ACCSL: variants seen among roughly 807,000 people sequenced by gnomAD.
ACCSL encodes 1-aminocyclopropane-1-carboxylate synthase homolog (inactive) like, also known as probable inactive 1-aminocyclopropane-1-carboxylate synthase-like protein 2.
A neutral mutation model predicts 61.7 loss-of-function variants in ACCSL; 55 were observed. That is an observed-to-expected ratio of 0.89 (90% confidence interval 0.72 to 1.12). ACCSL has a LOEUF of 1.12. ACCSL is among the 50% of genes most tolerant of loss of function. ACCSL has a pLI of 0.00. For missense variants in ACCSL, 632 were observed against 698.0 expected (o/e 0.91, Z 1.07); for synonymous variants, 258 against 264.3 (o/e 0.98, Z 0.23).
At chr11:43,957,319 A>AGG in the ACCSL span, among the ~76,000 whole-genome samples, 673 of 146,336 alleles carry the variant, frequency 4.6e-3, 5 homozygotes, top group African/African-American at 0.016. Flanking sequence ...GGGTGGGAGG[A>AGG]GGGGGGTTCC....
chr11:43,923,170 G>T, the ACCSL span, among the ~76,000 whole-genome samples: 1 of 152,212 alleles, frequency 6.6e-6, no homozygotes, highest in African/African-American at 2.4e-5. Context: ...AATGCTGAAA[G>T]AGTTAAGTAG....
At chr11:43,933,271 C>T in the ACCSL span, 2 of 429,870 alleles carry the variant, frequency 4.7e-6, no homozygotes, top group Admixed American at 4.9e-5. Flanking sequence ...GTGGATGTCC[C>T]TGGACCTCAG....
chr11:44,019,470 T>G, the ACCSL span, among the ~76,000 whole-genome samples: 1 of 152,240 alleles, frequency 6.6e-6, no homozygotes. Context: ...CTAGCCATCC[T>G]AGTGAGTATA....
At chr11:43,992,926 T>A in the ACCSL span, among the ~76,000 whole-genome samples, 3 of 152,228 alleles carry the variant, frequency 2.0e-5, no homozygotes, top group African/African-American at 2.4e-5. Context: ...CTCTCCGTCG[T>A]GTGGCTGCAC....
chr11:44,003,815 C>T, the ACCSL span, among the ~76,000 whole-genome samples: 1 of 152,202 alleles, frequency 6.6e-6, no homozygotes, highest in African/African-American at 2.4e-5. Context: ...AGTGCAGGAG[C>T]CTGACCTGAC....
chr11:43,957,570 A>C, the ACCSL span, among the ~76,000 whole-genome samples: 1 of 152,040 alleles, frequency 6.6e-6, no homozygotes, highest in Admixed American at 6.5e-5. Flanking sequence ...AGGGAAGGAG[A>C]TTCTCTATAG....
At chr11:43,931,710 G>C in the ACCSL span, among the ~76,000 whole-genome samples, 1 of 152,224 alleles carries the variant, frequency 6.6e-6, no homozygotes, top group African/African-American at 2.4e-5. Flanking sequence ...TGCCTGGCAA[G>C]AGTTAGGTGC....
At chr11:44,039,909 T>C in the ACCSL span, among the ~76,000 whole-genome samples, 1 of 152,236 alleles carries the variant, frequency 6.6e-6, no homozygotes, top group African/African-American at 2.4e-5. Context: ...CATGGGCGGT[T>C]CCACCTGCCC....
chr11:44,051,478 G>A, intron 4 of ACCSL, 74 bp downstream of exon 4: 2 of 1,584,372 alleles, frequency 1.3e-6, no homozygotes, highest in South Asian at 1.1e-5. Flanking sequence ...GCCCTTTCTA[G>A]GGGGTACAAG....
the ACCSL span, among the ~76,000 whole-genome samples, chr11:43,993,229 T>A: frequency 6.6e-5 from 10 of 152,042 alleles, no homozygotes; most frequent in Non-Finnish European, 1.5e-4. Flanking sequence ...CCTGGTCTAT[T>A]AGGTAGACAG....
chr11:44,031,376 T>G, the ACCSL span, among the ~76,000 whole-genome samples: 1 of 152,184 alleles, frequency 6.6e-6, no homozygotes, highest in Non-Finnish European at 1.5e-5. Flanking sequence ...TCCTTTCCTG[T>G]GGCCTTAGAA....
the ACCSL span, among the ~76,000 whole-genome samples, chr11:44,003,657 T>A: frequency 1.2e-4 from 16 of 134,398 alleles, no homozygotes; most frequent in African/African-American, 1.9e-4. Flanking sequence ...AAAAAAAAAA[T>A]GCATTAATTA....
At chr11:44,024,441 CTGTGTGTGTGTGTGTGTGTG>C in the ACCSL span, among the ~76,000 whole-genome samples, 5 of 132,014 alleles carry the variant, frequency 3.8e-5, no homozygotes, top group Non-Finnish European at 8.1e-5. Context: ...CTCTCTCTCT[CTGTGTGTGTGTGTGTGTGTG>C]TGTGTGTGTG....
chr11:43,956,559 A>G, the ACCSL span, among the ~76,000 whole-genome samples: 3 of 152,128 alleles, frequency 2.0e-5, no homozygotes, highest in African/African-American at 7.2e-5. Context: ...AGCTGGGACT[A>G]TAGGCACGTG....
chr11:44,053,635 G>A (rs1161899167), intron 8 of ACCSL, 129 bp downstream of exon 8: 2 of 798,546 alleles, frequency 2.5e-6, no homozygotes, highest in East Asian at 5.4e-5. Context: ...GGCCGAGAAG[G>A]TGGATCACTT....
chr11:43,975,170 G>A, the ACCSL span, among the ~76,000 whole-genome samples: 1 of 152,088 alleles, frequency 6.6e-6, no homozygotes. Context: ...CTTTTGTGGA[G>A]GCTGCCAGTG....
At chr11:44,030,184 C>T in the ACCSL span, among the ~76,000 whole-genome samples, 1 of 148,300 alleles carries the variant, frequency 6.7e-6, no homozygotes, top group Non-Finnish European at 1.5e-5. Context: ...TCCCTGGGCC[C>T]TTTTCTCTCT....
the ACCSL span, among the ~76,000 whole-genome samples, chr11:43,984,540 C>T: frequency 1.3e-5 from 2 of 152,224 alleles, no homozygotes; most frequent in East Asian, 3.9e-4. Flanking sequence ...TGACAATGAC[C>T]TAGCCGGGCT....
chr11:43,967,128 G>T, the ACCSL span, among the ~76,000 whole-genome samples: 1 of 112,080 alleles, frequency 8.9e-6, no homozygotes. Context: ...GTTTGTTCTT[G>T]TACTACTTCC....
Sources: gnomAD v4.1 joint callset for allele counts (sites outside exome capture counted in the v4.1 genomes callset) on GRCh38, gnomAD v4.1.1 for gene constraint, MANE v1.5 for transcripts, NCBI Gene and HGNC (gene_info 2026-07-23, HGNC 2026-07-21) for gene names.